CPSF3: variants seen among roughly 807,000 people sequenced by gnomAD.
CPSF3 encodes the protein cleavage and polyadenylation specificity factor subunit 3.
CPSF3 carries 57 observed loss-of-function variants against 84.1 expected under a neutral mutation model. The observed-to-expected ratio is 0.68, with a 90% CI of 0.55 to 0.85. The LOEUF is 0.85. Among genes scored for constraint, CPSF3 ranks in the 40% least tolerant of loss-of-function variants. The probability of loss-of-function intolerance (pLI) is 0.00; values close to 1 mark genes in which losing one functional copy is unlikely to be tolerated. For missense variants in CPSF3, 522 were observed against 838.8 expected, an observed-to-expected ratio of 0.62 and a Z score of 4.66; for synonymous variants, 275 against 278.1, an observed-to-expected ratio of 0.99 and a Z score of 0.11.
At chr2:9,469,458 T>C (rs1251024591) in intron 16 of CPSF3, among the ~76,000 whole-genome samples, 1 of 152,160 alleles carries the variant, frequency 6.6e-6, no homozygotes, top group Non-Finnish European at 1.5e-5. Flanking sequence ...AGAAAACCCG[T>C]GTGGCCCTGG....
At chr2:9,427,788 GT>G (rs908382720) in intron 1 of CPSF3, among the ~76,000 whole-genome samples, 6 of 152,108 alleles carry the variant, frequency 3.9e-5, no homozygotes, top group African/African-American at 1.4e-4. Context: ...AGCTAGAATG[GT>G]TGGGAAAAGG....
intron 15 of CPSF3, among the ~76,000 whole-genome samples, chr2:9,466,326 AGACGCACGCACACACGCG>A (rs1558466411): frequency 3.0e-4 from 20 of 67,476 alleles, no homozygotes; most frequent in African/African-American, 8.7e-4. Context: ...GCACGCACAC[AGACGCACGCACACACGCG>A]CGCGCGCGCA....
intron 10 of CPSF3, among the ~76,000 whole-genome samples, chr2:9,444,941 C>T (rs1681079902): frequency 6.6e-6 from 1 of 152,176 alleles, no homozygotes; most frequent in Non-Finnish European, 1.5e-5. Context: ...GCTAGGATTA[C>T]AGGCATGAGC....
chr2:9,468,036 G>A (rs1043060601), intron 16 of CPSF3: 1 of 351,504 alleles, frequency 2.8e-6, no homozygotes, highest in Non-Finnish European at 5.1e-6. Context: ...GGCTGGCACA[G>A]TTAGCAAGCG....
At chr2:9,429,559 A>G (rs1680504234) in intron 2 of CPSF3, among the ~76,000 whole-genome samples, 1 of 152,240 alleles carries the variant, frequency 6.6e-6, no homozygotes, top group Non-Finnish European at 1.5e-5. Context: ...TCTAATTATT[A>G]TCTTCTCACG....
chr2:9,430,698 T>A lies in CPSF3; in HGVS notation c.213-54T>A. ...TACAGTAAGCAACAGTTTCATTACA[T>A]GGTATCTGATGGATAATAATTTTAA... On this transcript the variant is annotated intron_variant, in intron 3 of 17. Coordinates refer to ENST00000238112, the MANE Select transcript of CPSF3 (RefSeq NM_016207.4). 2.6e-6 allele frequency: 4 copies of A among 1,522,636 alleles called. No homozygotes were observed. The South Asian group carries it at 4.9e-5, about 18-fold the overall frequency. 94.3% of individuals were successfully genotyped at this position (1,522,636 alleles called of 1,614,324 possible). A position where few individuals can be genotyped will look rare whatever the true frequency, so the allele number is the denominator to read the frequency against.
chr2:9,434,665 C>T (rs1023902171), intron 6 of CPSF3, among the ~76,000 whole-genome samples: 23 of 152,280 alleles, frequency 1.5e-4, no homozygotes, highest in African/African-American at 5.5e-4. Flanking sequence ...GCTAACTTAT[C>T]GTTTTGTTTA....
At chr2:9,433,410 A>G (rs1680667383) in intron 5 of CPSF3, among the ~76,000 whole-genome samples, 1 of 152,246 alleles carries the variant, frequency 6.6e-6, no homozygotes, top group East Asian at 1.9e-4. Context: ...ATTGTAAAGT[A>G]TATCACTAAA....
At chr2:9,447,124 G>C (rs535448799) in intron 10 of CPSF3, among the ~76,000 whole-genome samples, 3 of 152,338 alleles carry the variant, frequency 2.0e-5, no homozygotes, top group East Asian at 1.9e-4. Flanking sequence ...CTGGGCAACA[G>C]AGCAAGACTC....
intron 7 of CPSF3, 62 bp from the exon 8 acceptor site, chr2:9,440,429 G>A (rs990656816): frequency 1.8e-5 from 24 of 1,332,362 alleles, no homozygotes; most frequent in African/African-American, 5.8e-5. Flanking sequence ...TGTATCATTT[G>A]TTATTTGAAC....
intron 13 of CPSF3, among the ~76,000 whole-genome samples, chr2:9,456,657 C>G (rs1163653366): frequency 9.9e-5 from 15 of 152,158 alleles, no homozygotes; most frequent in Non-Finnish European, 1.6e-4. Flanking sequence ...GGCTAAATCT[C>G]TTGTATACAA....
intron 15 of CPSF3, among the ~76,000 whole-genome samples, chr2:9,466,170 GTC>G (rs1312208835): frequency 1.9e-4 from 28 of 144,122 alleles, no homozygotes; most frequent in Middle Eastern, 7.2e-3. Context: ...CTAAAACCCT[GTC>G]TCTACACGCA....
chr2:9,436,870 C>A (rs942543963), intron 7 of CPSF3, among the ~76,000 whole-genome samples: 5 of 152,004 alleles, frequency 3.3e-5, no homozygotes, highest in Non-Finnish European at 5.9e-5. Context: ...GAACTGGCGA[C>A]CCCTTCCGGT....
At position 9,467,776 on chromosome 2, in the gene CPSF3, A is replaced by G; in HGVS notation, c.1856A>G (p.Gln619Arg). The G allele has an allele frequency of 6.2e-7, 1 of 1,612,118 alleles. No individual in the cohort carries two copies. Among genetic ancestry groups the G allele is most frequent in the South Asian group, 1.1e-5 (1 of 91,002 alleles). The change falls in exon 16 of 18, where the codon CAG becomes CGG. Residue 619 changes from glutamine to arginine, a missense_variant and splice_region_variant. This residue lies in a region of CPSF3 where 193 missense variants were observed against 231.6 expected (regional missense o/e 0.83). Coordinates refer to ENST00000238112, the MANE Select transcript of CPSF3 (RefSeq NM_016207.4). ...AGCAAGAGGTTGGAGATCATGCTCC[A>G]GTAAGTTTTTCACCCATTATTTCTC... ...VYSKRLEIML[Q>R]DIFGEDCVSV...
chr2:9,459,561 G>A lies in CPSF3; in HGVS notation c.1729G>A (p.Ala577Thr), dbSNP rs1558462948. ...WLANPSNDMY[A>T]DTVTTVILEV... is the part of the protein sequence containing the mutation. Reference sequence around the variant, plus strand: ...GGCAAACCCTTCTAATGATATGTATGCAGATACAGTAACAACTGTGATATT... The same window carrying A: ...GGCAAACCCTTCTAATGATATGTATACAGATACAGTAACAACTGTGATATT... Residue 577 changes from alanine to threonine, a missense_variant, in exon 15 of 18, where the codon GCA (alanine) becomes ACA (threonine). Around this residue, in one of 2 missense-constraint regions of CPSF3, gnomAD observed 193 missense variants for 231.6 expected, o/e 0.83. Coordinates refer to ENST00000238112, the MANE Select transcript of CPSF3 (RefSeq NM_016207.4). The A allele has an allele frequency of 6.2e-7, 1 of 1,601,286 alleles. No homozygotes were observed. The highest frequency in any genetic ancestry group is 8.5e-7 in the Non-Finnish European group (1 of 1,172,644).
At chr2:9,440,735 G>A in intron 8 of CPSF3, 69 bp downstream of exon 8, 2 of 1,481,808 alleles carry the variant, frequency 1.3e-6, no homozygotes, top group Non-Finnish European at 9.3e-7. Flanking sequence ...GGAGGTACGA[G>A]GCCGTGAGTG....
At chr2:9,447,842 C>A (rs1681177414) in intron 10 of CPSF3, among the ~76,000 whole-genome samples, 1 of 152,082 alleles carries the variant, frequency 6.6e-6, no homozygotes, top group African/African-American at 2.4e-5. Flanking sequence ...TAGTTTTGTA[C>A]AAGAGTCATA....
chr2:9,447,360 T>C (rs979981790), intron 10 of CPSF3, among the ~76,000 whole-genome samples: 1 of 152,022 alleles, frequency 6.6e-6, no homozygotes, highest in African/African-American at 2.4e-5. Context: ...GTGCCTGTAG[T>C]CCCAGCTACG....
intron 14 of CPSF3, among the ~76,000 whole-genome samples, chr2:9,458,624 A>T (rs1222016868): frequency 1.3e-5 from 2 of 152,096 alleles, no homozygotes; most frequent in African/African-American, 4.8e-5. Context: ...TGAACCCAGG[A>T]GTTCAAGACC....
Sources: allele counts gnomAD v4.1 joint callset (sites outside exome capture counted in the v4.1 genomes callset), GRCh38; gene constraint gnomAD v4.1.1; regional missense constraint gnomAD v4.1.1; transcripts MANE v1.5; gene names NCBI Gene and HGNC (gene_info 2026-07-23, HGNC 2026-07-21).